RANBP2: variants seen among roughly 807,000 people sequenced by gnomAD.
RANBP2 encodes RAN binding protein 2.
In RANBP2, 57 loss-of-function variants were observed where a neutral mutation model predicts 303.6. That is an observed-to-expected ratio of 0.19 (90% CI 0.15 to 0.23). The LOEUF (loss-of-function observed/expected upper bound fraction) is 0.23. Ranked by LOEUF, RANBP2 falls within the 10% of genes least tolerant of loss-of-function variation. RANBP2 has a pLI of 1.00. For missense variants in RANBP2, 3,138 were observed against 3,780.8 expected (o/e 0.83, Z 4.46); for synonymous variants, 1,167 against 1,301.5 (o/e 0.90, Z 2.23).
At chr2:109,501,851 C>G in the RANBP2 span, 1 of 583,154 alleles carries the variant, frequency 1.7e-6, no homozygotes, top group Admixed American at 3.0e-5. Flanking sequence ...TCTCCCAAAA[C>G]CCCCAAACGG....
At chr2:108,899,765 C>T in the RANBP2 span, among the ~76,000 whole-genome samples, 2 of 151,988 alleles carry the variant, frequency 1.3e-5, no homozygotes, top group African/African-American at 2.4e-5. Flanking sequence ...GTGGGCAGAT[C>T]ACCTGAGGTC....
At chr2:109,026,804 C>T in the RANBP2 span, among the ~76,000 whole-genome samples, 1 of 152,202 alleles carries the variant, frequency 6.6e-6, no homozygotes, top group Non-Finnish European at 1.5e-5. Context: ...CAGTGGCTCA[C>T]GCCTGTAATC....
the RANBP2 span, chr2:109,564,601 G>T: frequency 3.8e-5 from 50 of 1,310,266 alleles, no homozygotes; most frequent in Non-Finnish European, 4.9e-5. Flanking sequence ...CTAAGTGTTT[G>T]CTGAATGAAC....
the RANBP2 span, chr2:109,585,235 T>C: frequency 2.5e-6 from 4 of 1,613,064 alleles, no homozygotes; most frequent in Non-Finnish European, 3.4e-6. Context: ...AGTTTAACAT[T>C]TGGGCAAAAA....
Position 108,763,705 on chromosome 2 carries a change from C to T in RANBP2, c.3166C>T (p.Pro1056Ser). 3.7e-6 allele frequency: 6 copies of T among 1,614,096 alleles called. No individual in the cohort carries two copies. Among genetic ancestry groups the T allele is most frequent in the East Asian group, 2.2e-5 (1 of 44,880 alleles). The stretch of plus-strand genomic sequence containing the variant: ...CTCACCACAGGTTGTGACACAGCCC[C>T]CTCCTGCAGCTTACAGTAACAGTGA... ...FSSPQVVTQPPPAAYSNSESL... is the reference protein window; with the variant it reads ...FSSPQVVTQPSPAAYSNSESL... Residue 1056 changes from proline to serine, a missense_variant, in exon 20 of 29, where the codon CCT becomes TCT. Pro to Ser is a moderately conservative substitution (Grantham distance 74, BLOSUM62 -1). Coordinates refer to ENST00000283195, the MANE Select transcript of RANBP2 (RefSeq NM_006267.5).
chr2:109,452,995 G>A, the RANBP2 span, among the ~76,000 whole-genome samples: 1 of 151,666 alleles, frequency 6.6e-6, no homozygotes, highest in African/African-American at 2.4e-5. Context: ...TTCCCGGGAG[G>A]CTGGTCCCCG....
At chr2:109,574,577 C>A in the RANBP2 span, 3 of 1,496,762 alleles carry the variant, frequency 2.0e-6, no homozygotes, top group Non-Finnish European at 2.7e-6. Context: ...TTTCCTCAAC[C>A]CACCTTGCTG....
At chr2:109,306,657 T>C in the RANBP2 span, among the ~76,000 whole-genome samples, 218 of 152,352 alleles carry the variant, frequency 1.4e-3, no homozygotes, top group Non-Finnish European at 9.3e-4. Flanking sequence ...TAGCAGTCGG[T>C]GGACCCCAAA....
chr2:109,352,209 TC>T, the RANBP2 span, among the ~76,000 whole-genome samples: 4 of 152,236 alleles, frequency 2.6e-5, no homozygotes, highest in Admixed American at 6.5e-5. Context: ...GTCTGCCCTC[TC>T]CTTTCTTCCT....
chr2:108,974,654 C>T, the RANBP2 span, among the ~76,000 whole-genome samples: 3 of 152,000 alleles, frequency 2.0e-5, no homozygotes, highest in Non-Finnish European at 2.9e-5. Context: ...CGCTTGAACC[C>T]GGCAGGCGAA....
At chr2:109,503,559 G>C in the RANBP2 span, 3 of 152,130 alleles carry the variant, frequency 2.0e-5, no homozygotes, top group African/African-American at 7.2e-5. Flanking sequence ...ACAACCAAAA[G>C]CTCTCTATTT....
chr2:109,651,400 C>T, the RANBP2 span, among the ~76,000 whole-genome samples: 1 of 152,178 alleles, frequency 6.6e-6, no homozygotes, highest in Admixed American at 6.5e-5. Flanking sequence ...ACACCTACTC[C>T]TGCTGCATTG....
At chr2:108,923,430 G>C in the RANBP2 span, 12 of 1,614,144 alleles carry the variant, frequency 7.4e-6, no homozygotes, top group Non-Finnish European at 9.3e-6. Context: ...GATGTTCCTC[G>C]GTCTGTTCTC....
the RANBP2 span, among the ~76,000 whole-genome samples, chr2:108,814,398 A>G: frequency 7.2e-5 from 11 of 152,216 alleles, no homozygotes; most frequent in East Asian, 1.9e-4. Context: ...AGAAAATTGG[A>G]GTAAATTGAA....
At chr2:108,955,605 G>A in the RANBP2 span, among the ~76,000 whole-genome samples, 3 of 152,144 alleles carry the variant, frequency 2.0e-5, no homozygotes, top group African/African-American at 7.2e-5. Flanking sequence ...CTACCTGGGA[G>A]ACTGAAGCAG....
chr2:109,467,938 C>G, the RANBP2 span, among the ~76,000 whole-genome samples: 303 of 152,348 alleles, frequency 2.0e-3, no homozygotes, highest in Non-Finnish European at 3.6e-3. Flanking sequence ...TGTGAACATG[C>G]TCCACCTCCA....
the RANBP2 span, among the ~76,000 whole-genome samples, chr2:109,367,530 C>A: frequency 6.6e-6 from 1 of 152,134 alleles, no homozygotes; most frequent in African/African-American, 2.4e-5. Flanking sequence ...GATCCACCGA[C>A]CTCGGCCTCC....
the RANBP2 span, among the ~76,000 whole-genome samples, chr2:109,177,401 T>C: frequency 6.6e-6 from 1 of 152,166 alleles, no homozygotes; most frequent in South Asian, 2.1e-4. Context: ...AAGTTGGACA[T>C]GAAATAGTCT....
At chr2:109,702,926 T>C in the RANBP2 span, among the ~76,000 whole-genome samples, 1 of 152,034 alleles carries the variant, frequency 6.6e-6, no homozygotes, top group African/African-American at 2.4e-5. Context: ...TATGAGTATG[T>C]CTCACTGAAT....
Sources: gnomAD v4.1 joint callset for allele counts (sites outside exome capture counted in the v4.1 genomes callset) on GRCh38, gnomAD v4.1.1 for gene constraint, MANE v1.5 for transcripts, NCBI Gene and HGNC (gene_info 2026-07-23, HGNC 2026-07-21) for gene names.